The following NPC1 variants were observed in gnomAD, a reference collection of about 807,000 sequenced individuals.
The protein encoded by NPC1 is Niemann-Pick C1 protein.
In NPC1, 85 loss-of-function variants were observed where a neutral mutation model predicts 140.4. That is an observed-to-expected ratio of 0.61 (90% CI 0.51 to 0.72). The LOEUF is 0.72. Among genes scored for constraint, NPC1 ranks in the 30% least tolerant of loss-of-function variants. The pLI is 0.00. For synonymous variants in NPC1, 656 were observed against 624.8 expected (o/e 1.05, Z -0.74); for missense variants, 1,504 against 1,623.8 (o/e 0.93, Z 1.27).
intron 11 of NPC1, 152 bp downstream of exon 11, chr18:23,547,854 T>C: frequency 2.7e-6 from 2 of 748,870 alleles, no homozygotes; most frequent in Non-Finnish European, 4.9e-6. Flanking sequence ...GTGTTTACAG[T>C]TTCTTCTTAG....
intron 11 of NPC1, among the ~76,000 whole-genome samples, 155 bp downstream of exon 11, chr18:23,547,849 TAC>T (rs1259433016): frequency 2.0e-5 from 3 of 152,240 alleles, no homozygotes; most frequent in Non-Finnish European, 4.4e-5. Flanking sequence ...TAAATGTGTT[TAC>T]AGTTTCTTCT....
At chr18:23,546,240 C>T (rs1452413862) in intron 11 of NPC1, among the ~76,000 whole-genome samples, 3 of 93,700 alleles carry the variant, frequency 3.2e-5, no homozygotes, top group Non-Finnish European at 5.6e-5. Flanking sequence ...CACAGCAAGA[C>T]TCTGTCTCAA....
chr18:23,522,225 G>C (rs1439786910), downstream of NPC1: 1 of 152,220 alleles, frequency 6.6e-6, no homozygotes, highest in Admixed American at 6.5e-5. Context: ...TTGGCTTTCT[G>C]TGTTCTTTCA....
chr18:23,555,212 AG>A (rs888095909), intron 8 of NPC1, among the ~76,000 whole-genome samples: 28 of 152,244 alleles, frequency 1.8e-4, no homozygotes, highest in African/African-American at 6.8e-4. Flanking sequence ...GGCGAGGGGT[AG>A]GGGGAACACC....
chr18:23,531,854 C>T lies in NPC1; in HGVS notation c.*348G>A, dbSNP rs2058521433. On this transcript the variant is annotated 3_prime_UTR_variant, in exon 25 of 25. Transcript: ENST00000269228. ...ATAGAACTTGTGGGATGGCTTACTC[C>T]TAAAAGGAGAGACAGACAGTGCATT... The T allele has an allele frequency of 3.4e-6, 5 of 1,454,012 alleles. No homozygotes were observed. Among genetic ancestry groups the T allele is most frequent in the Admixed American group, 5.5e-5 (2 of 36,354 alleles). 90.1% of individuals were successfully genotyped at this position (1,454,012 alleles called of 1,614,324 possible). A position where few individuals can be genotyped will look rare whatever the true frequency, so the allele number is the denominator to read the frequency against.
At chr18:23,526,463 TGCTCCTGAATG>T (rs1188109875), downstream of NPC1, among the ~76,000 whole-genome samples, 2 of 152,078 alleles carry the variant, frequency 1.3e-5, no homozygotes, top group African/African-American at 2.4e-5. Flanking sequence ...GCTCCTGAAT[TGCTCCTGAATG>T]GCTCAGCTCT....
At chr18:23,525,623 C>T (rs1401159494), downstream of NPC1, among the ~76,000 whole-genome samples, 1 of 152,060 alleles carries the variant, frequency 6.6e-6, no homozygotes, top group Non-Finnish European at 1.5e-5. Flanking sequence ...CGGGGTTTCA[C>T]CATGTTGGCC....
intron 9 of NPC1, among the ~76,000 whole-genome samples, 171 bp downstream of exon 9, chr18:23,554,587 C>A (rs2058921786): frequency 6.9e-6 from 1 of 144,084 alleles, no homozygotes. Context: ...GCCTGGGCGA[C>A]AGAGCGAGAC....
At chr18:23,516,466 A>T in intron 3 of NPC1, 1 of 1,585,790 alleles carries the variant, frequency 6.3e-7, no homozygotes, top group Non-Finnish European at 8.7e-7. Context: ...GATTGCTTTC[A>T]GTAATATAAA....
downstream of NPC1, chr18:23,529,410 G>A (rs1270844462): frequency 6.9e-7 from 1 of 1,452,596 alleles, no homozygotes; most frequent in Non-Finnish European, 9.1e-7. Flanking sequence ...TAGAATCACT[G>A]GAGTTTCCTT....
At chr18:23,583,849 G>C (rs964712864) in intron 1 of NPC1, among the ~76,000 whole-genome samples, 1 of 152,156 alleles carries the variant, frequency 6.6e-6, no homozygotes, top group Non-Finnish European at 1.5e-5. Flanking sequence ...TAAAATTTCT[G>C]ATCACAGCAT....
Position 23,512,503 on chromosome 18 carries a change from C to G in NPC1, c.432-5861G>C, listed in dbSNP as rs545809441. ...TGGCACAATCACGGCTCACTGCAGC[C>G]TCGACCTCCTAGCCTCACGTAGTCC... On this transcript the variant is annotated intron_variant, in intron 3 of 3. Coordinates refer to the NPC1 transcript ENST00000591107. 3.5e-4 allele frequency among the ~76,000 whole-genome samples: 54 copies of G among 152,246 alleles called. No homozygotes were observed. The South Asian group carries it at 8.7e-3, about 25-fold the overall frequency.
In NPC1 at chr18:23,560,376, C is replaced by A. The variant is rs753921719; in HGVS notation, c.736G>T (p.Val246Phe). The A allele has an allele frequency of 3.1e-6, 5 of 1,614,074 alleles. No individual in the cohort carries two copies. Among genetic ancestry groups the A allele is most frequent in the Non-Finnish European group, 4.2e-6 (5 of 1,180,042 alleles). ...GGGGGCTGGGGCTTGGGGCCACAGA[C>A]AATAGAGCAGTCTTGGCAGCTACAT... ...APCSCQDCSI[V>F]CGPKPQPPPP... Residue 246 changes from valine to phenylalanine, a missense_variant, in exon 6 of 25, where the codon GTC (valine) becomes TTC (phenylalanine). Coordinates refer to ENST00000269228, the MANE Select transcript of NPC1 (RefSeq NM_000271.5).
At chr18:23,527,313 T>G (rs1254697323), downstream of NPC1, among the ~76,000 whole-genome samples, 1 of 151,582 alleles carries the variant, frequency 6.6e-6, no homozygotes, top group Non-Finnish European at 1.5e-5. Flanking sequence ...GAGGGAGGAT[T>G]CCTTGAGCCC....
intron 1 of NPC1, among the ~76,000 whole-genome samples, chr18:23,582,791 G>A (rs1343108030): frequency 7.5e-6 from 1 of 133,244 alleles, no homozygotes; most frequent in Non-Finnish European, 1.6e-5. Flanking sequence ...GGCAACCAAA[G>A]TAAGACCTGG....
At chr18:23,567,084 TGA>T (rs934073042) in intron 4 of NPC1, among the ~76,000 whole-genome samples, 1 of 152,222 alleles carries the variant, frequency 6.6e-6, no homozygotes, top group Non-Finnish European at 1.5e-5. Flanking sequence ...ATTCACCTAC[TGA>T]GAGAAATCTT....
chr18:23,555,195 C>G (rs1365875208), intron 8 of NPC1, among the ~76,000 whole-genome samples: 1 of 152,242 alleles, frequency 6.6e-6, no homozygotes, highest in Admixed American at 6.5e-5. Flanking sequence ...GAGGCGTCCA[C>G]AGAGGCGGCG....
At chr18:23,557,706 C>A (rs1398910006) in intron 6 of NPC1, among the ~76,000 whole-genome samples, 2 of 152,172 alleles carry the variant, frequency 1.3e-5, no homozygotes, top group Non-Finnish European at 2.9e-5. Flanking sequence ...CGCGCCACTG[C>A]ATTCCAGCCT....
intron 17 of NPC1, 101 bp downstream of exon 17, chr18:23,540,347 G>C: frequency 1.3e-6 from 1 of 794,066 alleles, no homozygotes; most frequent in Non-Finnish European, 2.1e-6. Context: ...TTTGCAGTTA[G>C]AAGCAGGCAC....
Sources: gnomAD v4.1 joint callset for allele counts (sites outside exome capture counted in the v4.1 genomes callset) on GRCh38, gnomAD v4.1.1 for gene constraint, MANE v1.5 for transcripts, NCBI Gene and HGNC (gene_info 2026-07-23, HGNC 2026-07-21) for gene names.